Variants in DDX47 observed in about 807,000 individuals in gnomAD.
DDX47 encodes DEAD-box helicase 47.
A neutral mutation model predicts 58.8 loss-of-function variants in DDX47; 60 were observed. The ratio of observed to expected loss-of-function variants is 1.02; its 90% CI spans 0.83 to 1.26. The LOEUF (loss-of-function observed/expected upper bound fraction) is 1.26, where lower values mean the gene tolerates loss of function less well. DDX47 is among the 50% of genes most tolerant of loss of function. DDX47 has a pLI of 0.00. For missense variants in DDX47, 530 were observed against 573.2 expected, an observed-to-expected ratio of 0.92 and a Z score of 0.77; for synonymous variants, 197 against 204.6, an observed-to-expected ratio of 0.96 and a Z score of 0.32.
intron 2 of DDX47, chr12:12,814,788 T>A (rs2136417532): frequency 6.6e-6 from 1 of 152,502 alleles, no homozygotes; most frequent in East Asian, 1.9e-4. Context: ...TTCAAGCAAC[T>A]CTCCCGCCTC....
At position 12,813,390 on chromosome 12, in the gene DDX47, A is replaced by G. The variant is rs927921236; in HGVS notation, c.23A>G (p.Asp8Gly). The change falls in exon 1 of 12, where the codon GAT becomes GGT. Residue 8 changes from aspartate (D) to glycine (G), a missense_variant. By Grantham distance (94) the Asp-to-Gly change is moderately conservative. Transcript: ENST00000358007. ...AAGATGGCGGCACCCGAGGAACACG[A>G]TTCTCCGACCGAAGCGTCCCAGCCG... MAAPEEH[D>G]SPTEASQPIV... is the part of the protein sequence containing the mutation. The G allele has an allele frequency of 4.3e-6, 7 of 1,613,594 alleles. No homozygotes were observed. The Admixed American group carries it at 8.3e-5, about 19-fold the overall frequency.
At chr12:12,824,769 G>A in intron 9 of DDX47, 92 bp downstream of exon 9, 1 of 1,396,546 alleles carries the variant, frequency 7.2e-7, no homozygotes, top group Non-Finnish European at 9.9e-7. Context: ...CAGTTATTTT[G>A]TTCCTGGTTA....
chr12:12,816,835 G>A (rs1263339693), intron 2 of DDX47, among the ~76,000 whole-genome samples: 1 of 152,208 alleles, frequency 6.6e-6, no homozygotes. Flanking sequence ...ATAGCAAGAA[G>A]CGTTCATGCA....
intron 9 of DDX47, 165 bp downstream of exon 9, chr12:12,824,842 G>C: frequency 1.5e-6 from 1 of 651,332 alleles, no homozygotes; most frequent in Non-Finnish European, 2.6e-6. Context: ...GCACAGGCCT[G>C]TGTATGTAAC....
At chr12:12,822,608 C>T in intron 5 of DDX47, 53 bp from the exon 6 acceptor site, 5 of 1,462,686 alleles carry the variant, frequency 3.4e-6, no homozygotes, top group Non-Finnish European at 3.8e-6. Context: ...AGAGGATTTG[C>T]AGCTCTTCCA....
At chr12:12,828,099 C>A (rs994217744) in intron 11 of DDX47, among the ~76,000 whole-genome samples, 2 of 151,846 alleles carry the variant, frequency 1.3e-5, no homozygotes, top group African/African-American at 4.8e-5. Flanking sequence ...CTCAGGTAAT[C>A]CCCCCGCCTC....
Position 12,827,228 on chromosome 12 carries a change from G to A in DDX47, c.1107-18G>A. Reference sequence around the variant, plus strand: ...TGCGTTACCAGGCAACCAGAGCTGTGCAGTTTTCCTTCCTCAGGTATGATG... The same window carrying A: ...TGCGTTACCAGGCAACCAGAGCTGTACAGTTTTCCTTCCTCAGGTATGATG... On this transcript the variant is annotated intron_variant, in intron 10 of 11. Transcript: ENST00000358007. 6.2e-7 allele frequency: 1 copy of A among 1,612,742 alleles called. No individual in the cohort carries two copies.
At chr12:12,827,870 TTTTTTC>T (rs1182562838) in intron 11 of DDX47, among the ~76,000 whole-genome samples, 4 of 59,026 alleles carry the variant, frequency 6.8e-5, no homozygotes, top group African/African-American at 2.2e-4. Context: ...AAAACTTTTC[TTTTTTC>T]TTTTTTTTTT....
Position 12,822,710 on chromosome 12 carries a change from T to A in DDX47, c.611T>A (p.Phe204Tyr). 6.2e-7 allele frequency: 1 copy of A among 1,614,090 alleles called. No individual in the cohort carries two copies. The highest frequency in any genetic ancestry group is 1.7e-5 in the Admixed American group (1 of 60,022). Residue 204 changes from phenylalanine (F) to tyrosine (Y), a missense_variant, in exon 6 of 12, where the codon TTC becomes TAC. By Grantham distance (22) the Phe-to-Tyr change is conservative. Coordinates refer to ENST00000358007, the MANE Select transcript of DDX47 (RefSeq NM_016355.4). ...VIPRDRKTFL[F>Y]SATMTKKVQK... ...CCTCGAGATCGGAAAACATTCCTCT[T>A]CTCTGCCACCATGACCAAGAAGGTG...
chr12:12,829,453 C>T lies in DDX47; in HGVS notation c.1267C>T (p.Arg423Cys), dbSNP rs758786404. The change falls in exon 12 of 12, where the codon CGC (arginine) becomes TGC (cysteine). Residue 423 changes from arginine (R) to cysteine (C), a missense_variant. Transcript: ENST00000358007. ...AAGGGAGCATGGAGAAAAGAAGAAA[C>T]GCTCGCGAGAGGATGCTGGAGATAA... ...ELREHGEKKK[R>C]SREDAGDNDD... The T allele has an allele frequency of 4.9e-5, 79 of 1,612,388 alleles. No homozygotes were observed. Among genetic ancestry groups the T allele is most frequent in the Non-Finnish European group, 5.8e-5 (68 of 1,179,374 alleles).
intron 2 of DDX47, among the ~76,000 whole-genome samples, chr12:12,817,894 C>G (rs1373823451): frequency 6.6e-6 from 1 of 152,278 alleles, no homozygotes; most frequent in South Asian, 2.1e-4. Context: ...ATGAACTAAG[C>G]GACTTCAGCT....
chr12:12,829,097 C>T (rs1863094507), intron 11 of DDX47, among the ~76,000 whole-genome samples: 2 of 152,188 alleles, frequency 1.3e-5, no homozygotes, highest in South Asian at 4.2e-4. Flanking sequence ...CCAAATTGTC[C>T]CCCGCCCCAA....
chr12:12,817,462 G>C (rs7314333), intron 2 of DDX47, among the ~76,000 whole-genome samples: 116,072 of 152,126 alleles, frequency 0.76, 45,055 homozygotes, highest in African/African-American at 0.91. Flanking sequence ...CTTGTAATCC[G>C]AGGACTTTGG....
At position 12,826,069 on chromosome 12, in the gene DDX47, C is replaced by T; in HGVS notation, c.1105C>T (p.Gln369Ter). ...CGGAAAGGCTATTACTTTTGTCACA[C>T]AGTAAGTAAATCAGCTTTAGGGCCG... ...RSGKAITFVT[Q>*]YDVELFQRIE... Residue 369 changes from glutamine to a stop codon, truncating the protein, a stop_gained and splice_region_variant, in exon 10 of 12, where the codon CAG becomes TAG. Coordinates refer to ENST00000358007, the MANE Select transcript of DDX47 (RefSeq NM_016355.4). LOFTEE classifies it high-confidence loss of function. 6.2e-7 allele frequency: 1 copy of T among 1,613,156 alleles called. No homozygotes were observed. Among genetic ancestry groups the T allele is most frequent in the Non-Finnish European group, 8.5e-7 (1 of 1,179,498 alleles).
chr12:12,818,781 A>G (rs1862931179), intron 2 of DDX47, among the ~76,000 whole-genome samples: 1 of 152,166 alleles, frequency 6.6e-6, no homozygotes, highest in Non-Finnish European at 1.5e-5. Flanking sequence ...AAAGGCACTT[A>G]TTACGTGGTG....
chr12:12,825,290 T>C (rs1346958917), intron 9 of DDX47, among the ~76,000 whole-genome samples: 1 of 152,188 alleles, frequency 6.6e-6, no homozygotes, highest in Admixed American at 6.5e-5. Context: ...GCTTAGTGTA[T>C]CTCAAGGTTT....
At chr12:12,821,796 A>T (rs1230924379) in intron 4 of DDX47, 70 bp downstream of exon 4, 3 of 1,363,000 alleles carry the variant, frequency 2.2e-6, no homozygotes, top group Non-Finnish European at 3.1e-6. Flanking sequence ...TGTTGGATAG[A>T]AAGACTTTGA....
chr12:12,823,330 T>C lies in DDX47; in HGVS notation c.750+11T>C, dbSNP rs745794036. ...CCCTCTAAATTCAAGGTAAAATGTT[T>C]ACTTTGATCATTCCTGCCTCTCCCT... On this transcript the variant is annotated intron_variant, in intron 7 of 11. Transcript: ENST00000358007. 1.4e-6 allele frequency: 2 copies of C among 1,439,278 alleles called. No homozygotes were observed. Among genetic ancestry groups the C allele is most frequent in the Admixed American group, 1.7e-5 (1 of 59,696 alleles). 89.2% of individuals were successfully genotyped at this position (1,439,278 alleles called of 1,614,324 possible).
intron 2 of DDX47, among the ~76,000 whole-genome samples, chr12:12,816,057 G>C (rs1165204832): frequency 6.6e-6 from 1 of 152,082 alleles, no homozygotes; most frequent in Non-Finnish European, 1.5e-5. Context: ...CAAGGAAGGG[G>C]TGGGGAAAAT....
Sources: allele counts gnomAD v4.1 joint callset (sites outside exome capture counted in the v4.1 genomes callset), GRCh38; gene constraint gnomAD v4.1.1; transcripts MANE v1.5; gene names NCBI Gene and HGNC (gene_info 2026-07-23, HGNC 2026-07-21).